Variants in FHIT observed in about 807,000 individuals in gnomAD.
FHIT encodes fragile histidine triad diadenosine triphosphatase.
Under a neutral mutation model 17.9 loss-of-function variants are expected in FHIT, and 19 were observed. The ratio of observed to expected loss-of-function variants is 1.06; its 90% CI spans 0.74 to 1.56. The LOEUF is 1.56. Among genes scored for constraint, FHIT ranks in the 40% most tolerant of loss-of-function variants. FHIT has a pLI of 0.00. For synonymous variants in FHIT, 81 were observed against 69.7 expected (o/e 1.16, Z -0.81); for missense variants, 248 against 189.2 (o/e 1.31, Z -1.82).
chr3:60,365,651 C>T (rs566776357), intron 5 of FHIT, among the ~76,000 whole-genome samples: 8 of 152,312 alleles, frequency 5.3e-5, no homozygotes, highest in Non-Finnish European at 1.2e-4. Context: ...AGGAAGCCAT[C>T]TCTTTCAGAT....
chr3:60,288,911 C>T (rs1165573846), intron 5 of FHIT, among the ~76,000 whole-genome samples: 1 of 152,174 alleles, frequency 6.6e-6, no homozygotes, highest in East Asian at 1.9e-4. Flanking sequence ...TAGACAGTAT[C>T]TGTGATTTCT....
intron 5 of FHIT, among the ~76,000 whole-genome samples, chr3:60,497,366 A>T (rs2034343221): frequency 6.6e-6 from 1 of 152,216 alleles, no homozygotes; most frequent in Non-Finnish European, 1.5e-5. Flanking sequence ...ATTTTTTAAG[A>T]AGGACTGCCA....
chr3:61,149,232 T>C (rs2037314574), intron 2 of FHIT, among the ~76,000 whole-genome samples: 1 of 152,084 alleles, frequency 6.6e-6, no homozygotes, highest in East Asian at 1.9e-4. Flanking sequence ...TTCCATGACA[T>C]CTACCCCATG....
intron 5 of FHIT, among the ~76,000 whole-genome samples, chr3:60,333,902 C>A (rs11717976): frequency 0.14 from 21,934 of 152,142 alleles, 1,639 homozygotes; most frequent in Non-Finnish European, 0.16. Flanking sequence ...TAACAGACCA[C>A]CTGCTTCCTG....
intron 5 of FHIT, among the ~76,000 whole-genome samples, chr3:60,500,844 G>A (rs1254189543): frequency 1.4e-5 from 2 of 143,368 alleles, no homozygotes; most frequent in African/African-American, 5.2e-5. Context: ...AAATCATAAA[G>A]AACTAACACA....
intron 8 of FHIT, among the ~76,000 whole-genome samples, chr3:59,903,484 A>G (rs2107093357): frequency 6.6e-6 from 1 of 152,344 alleles, no homozygotes; most frequent in Non-Finnish European, 1.5e-5. Context: ...TCTTAGCTTC[A>G]TGTCTGAGAC....
Position 60,442,882 on chromosome 3 carries a change from A to G in FHIT, c.103+93978T>C, listed in dbSNP as rs552350102. Among the ~76,000 whole-genome samples, 40 of 152,206 alleles carry G rather than the reference A, an allele frequency of 2.6e-4. No individual in the cohort carries two copies. The East Asian group carries it at 7.0e-3, about 26-fold the overall frequency. On this transcript the variant is annotated intron_variant, in intron 5 of 9. Transcript: ENST00000492590. ...CTTGGGCAGTATGGCCATTTTCATG[A>G]TATTGATTCTTCCTACCCATGAGCA...
chr3:60,190,432 G>C (rs577565434), intron 5 of FHIT, among the ~76,000 whole-genome samples: 1 of 152,132 alleles, frequency 6.6e-6, no homozygotes, highest in South Asian at 2.1e-4. Context: ...CTAAAAGCTG[G>C]CCAAAAGATA....
rs367746490 is a variant in FHIT at position 60,567,145 on chromosome 3, C to T, written c.-17-30166G>A. On this transcript the variant is annotated intron_variant, in intron 4 of 9. Transcript: ENST00000492590. ...TTATGGAACCAAAAAAGAGCCCACA[C>T]TGCCAAGTCAATCCTAAGCCAAAAG... is the stretch of plus-strand genomic sequence containing the variant. Among the ~76,000 whole-genome samples, 12 of 147,160 alleles carry T rather than the reference C, an allele frequency of 8.2e-5. No individual in the cohort carries two copies. The South Asian group carries it at 8.7e-4, about 11-fold the overall frequency.
intron 8 of FHIT, among the ~76,000 whole-genome samples, chr3:59,829,419 A>G (rs990062918): frequency 4.1e-4 from 62 of 152,186 alleles, no homozygotes; most frequent in Admixed American, 2.6e-4. Context: ...GAGCCCAGGG[A>G]GCCCTCGAAC....
chr3:60,429,624 T>C (rs1297901795), intron 5 of FHIT, among the ~76,000 whole-genome samples: 1 of 152,086 alleles, frequency 6.6e-6, no homozygotes. Flanking sequence ...TGATAGATGA[T>C]GCTCTAATAA....
intron 5 of FHIT, among the ~76,000 whole-genome samples, chr3:60,190,251 C>CTTT (rs1702342682): frequency 6.6e-6 from 1 of 151,820 alleles, no homozygotes; most frequent in South Asian, 2.1e-4. Context: ...TTTTTGTTTG[C>CTTT]TTCATAACAG....
At chr3:60,807,061 C>A (rs1391239415) in intron 4 of FHIT, among the ~76,000 whole-genome samples, 1 of 152,116 alleles carries the variant, frequency 6.6e-6, no homozygotes. Flanking sequence ...AATCATTGTT[C>A]TAAATTATTA....
intron 5 of FHIT, among the ~76,000 whole-genome samples, chr3:60,432,566 A>T (rs1260159037): frequency 6.6e-6 from 1 of 152,108 alleles, no homozygotes; most frequent in Non-Finnish European, 1.5e-5. Context: ...ATGGCTTATC[A>T]GTACTTCATA....
intron 4 of FHIT, among the ~76,000 whole-genome samples, chr3:60,642,118 A>G (rs1274374573): frequency 6.6e-6 from 1 of 152,012 alleles, no homozygotes; most frequent in Non-Finnish European, 1.5e-5. Context: ...CTCTCTGCCC[A>G]TTGCCTGGTC....
At chr3:60,099,341 G>A (rs1462661579) in intron 5 of FHIT, among the ~76,000 whole-genome samples, 22 of 152,154 alleles carry the variant, frequency 1.4e-4, no homozygotes, top group Admixed American at 1.4e-3. Flanking sequence ...TTGGTGTCAG[G>A]AACTGTGCTA....
intron 2 of FHIT, among the ~76,000 whole-genome samples, chr3:61,067,375 C>T (rs753061631): frequency 2.0e-5 from 3 of 152,050 alleles, no homozygotes; most frequent in Non-Finnish European, 2.9e-5. Context: ...GGAAAGAATC[C>T]AGGAGAAAAC....
intron 5 of FHIT, among the ~76,000 whole-genome samples, chr3:60,076,536 ACTTCTG>A (rs1191867249): frequency 2.6e-5 from 4 of 151,940 alleles, no homozygotes; most frequent in Non-Finnish European, 5.9e-5. Flanking sequence ...CTTATTCTCT[ACTTCTG>A]CTTCTGCTGC....
At chr3:60,829,060 T>G (rs1025158770) in intron 3 of FHIT, among the ~76,000 whole-genome samples, 1 of 152,210 alleles carries the variant, frequency 6.6e-6, no homozygotes, top group Non-Finnish European at 1.5e-5. Flanking sequence ...CACTTTATCA[T>G]TGTTATCAAA....
Sources: allele counts gnomAD v4.1 joint callset (sites outside exome capture counted in the v4.1 genomes callset), GRCh38; gene constraint gnomAD v4.1.1; transcripts MANE v1.5; gene names NCBI Gene and HGNC (gene_info 2026-07-23, HGNC 2026-07-21).